ABCC1: variants seen among roughly 807,000 people sequenced by gnomAD.
ABCC1 encodes the protein ATP binding cassette subfamily C member 1 (ABCC1 blood group), also known as multidrug resistance-associated protein 1.
In ABCC1, 83 loss-of-function variants were observed where a neutral mutation model predicts 172.9. The observed-to-expected ratio is 0.48, with a 90% CI of 0.40 to 0.58. ABCC1 has a LOEUF of 0.58. Ranked by LOEUF, ABCC1 falls within the 20% of genes least tolerant of loss-of-function variation. The probability of loss-of-function intolerance (pLI) is 0.00; values close to 1 mark genes in which losing one functional copy is unlikely to be tolerated. For missense variants in ABCC1, 1,817 were observed against 2,002.7 expected (o/e 0.91, Z 1.77); for synonymous variants, 937 against 825.2 (o/e 1.14, Z -2.32).
At chr16:15,999,810 CT>C (rs2047207466) in intron 1 of ABCC1, among the ~76,000 whole-genome samples, 1 of 2,308 alleles carries the variant, frequency 4.3e-4, no homozygotes, top group African/African-American at 5.3e-4. Flanking sequence ...TCTCTCTCTC[CT>C]CTCTCTCTCT....
At chr16:16,052,595 TA>T in intron 10 of ABCC1, 128 bp from the exon 11 acceptor site, 1 of 765,894 alleles carries the variant, frequency 1.3e-6, no homozygotes, top group Non-Finnish European at 2.2e-6. Flanking sequence ...TATTGTGGGG[TA>T]AAAGTAACAC....
intron 19 of ABCC1, among the ~76,000 whole-genome samples, chr16:16,100,045 C>T (rs2051655884): frequency 6.6e-6 from 1 of 151,928 alleles, no homozygotes; most frequent in South Asian, 2.1e-4. Flanking sequence ...AAGATGGCAC[C>T]AGTGCAATCC....
At chr16:16,016,310 C>G (rs902801376) in intron 4 of ABCC1, among the ~76,000 whole-genome samples, 186 bp from the exon 5 acceptor site, 2 of 151,888 alleles carry the variant, frequency 1.3e-5, no homozygotes, top group African/African-American at 4.8e-5. Flanking sequence ...CCCACCACCA[C>G]GTCTGGCCAA....
intron 19 of ABCC1, among the ~76,000 whole-genome samples, chr16:16,096,860 T>C (rs868182059): frequency 1.1e-4 from 17 of 152,034 alleles, no homozygotes; most frequent in African/African-American, 2.9e-4. Context: ...ACCCAACACC[T>C]GGTGGTTGCA....
chr16:16,132,506 GGTTGTTTTTTTTTT>G (rs757108624), intron 27 of ABCC1, among the ~76,000 whole-genome samples: 12,620 of 100,792 alleles, frequency 0.13, 896 homozygotes, highest in Middle Eastern at 0.19. Context: ...TTTTTTGGTT[GGTTGTTTTTTTTTT>G]TTTTTTTTTT....
intron 15 of ABCC1, among the ~76,000 whole-genome samples, chr16:16,078,703 G>C (rs925250820): frequency 5.3e-5 from 8 of 152,160 alleles, no homozygotes; most frequent in African/African-American, 1.9e-4. Context: ...CTGAGACAGA[G>C]TCTCACGCTC....
intron 14 of ABCC1, among the ~76,000 whole-genome samples, chr16:16,075,360 C>T (rs1484038633): frequency 1.3e-5 from 2 of 151,868 alleles, no homozygotes; most frequent in East Asian, 3.9e-4. Context: ...CATGGTGTCT[C>T]ATGCCTGTAA....
At chr16:16,026,909 T>C (rs1426555317) in intron 5 of ABCC1, among the ~76,000 whole-genome samples, 1 of 152,090 alleles carries the variant, frequency 6.6e-6, no homozygotes. Context: ...AGAGTGAGAC[T>C]CAGTCTCAAA....
At chr16:15,975,043 C>T (rs1232903905) in intron 1 of ABCC1, among the ~76,000 whole-genome samples, 1 of 152,208 alleles carries the variant, frequency 6.6e-6, no homozygotes, top group Non-Finnish European at 1.5e-5. Flanking sequence ...CCAGCCTTGG[C>T]TTCCCAAAGT....
rs1390974186 is a variant in ABCC1 at position 16,138,493 on chromosome 16, A to G, written c.4422A>G (p.Thr1474=). 2 of 1,613,202 alleles carry G rather than the reference A, an allele frequency of 1.2e-6. No individual in the cohort carries two copies. Among genetic ancestry groups the G allele is most frequent in the East Asian group, 2.2e-5 (1 of 44,834 alleles). The change falls in exon 30 of 31, where the codon ACA becomes ACG. Residue 1474 remains threonine, a synonymous_variant. Transcript: ENST00000399410. ...TDDLIQSTIR[T]QFEDCTVLTI... Reference sequence around the variant, plus strand: ...ACCTCATCCAGTCCACCATCCGGACACAGTTCGAGGACTGCACCGTCCTCA... The same window carrying G: ...ACCTCATCCAGTCCACCATCCGGACGCAGTTCGAGGACTGCACCGTCCTCA...
At chr16:16,047,259 T>C (rs968056394) in intron 9 of ABCC1, among the ~76,000 whole-genome samples, 11 of 152,096 alleles carry the variant, frequency 7.2e-5, no homozygotes, top group African/African-American at 2.7e-4. Context: ...GCGATTGCTG[T>C]GGTGGCACCC....
intron 15 of ABCC1, among the ~76,000 whole-genome samples, chr16:16,078,077 G>A (rs1362785293): frequency 6.6e-6 from 1 of 152,216 alleles, no homozygotes; most frequent in Non-Finnish European, 1.5e-5. Context: ...AGAATCATTT[G>A]AACCTGGGAG....
intron 10 of ABCC1, among the ~76,000 whole-genome samples, chr16:16,051,423 T>C (rs2049424625): frequency 1.3e-5 from 2 of 152,110 alleles, no homozygotes; most frequent in African/African-American, 4.8e-5. Flanking sequence ...TCTTACCACT[T>C]TGGCCTCCCA....
intron 1 of ABCC1, among the ~76,000 whole-genome samples, chr16:15,999,789 C>G (rs1456951600): frequency 8.5e-4 from 25 of 29,544 alleles, no homozygotes; most frequent in Non-Finnish European, 1.9e-3. Context: ...CTCTCTCTCT[C>G]TCTCTCTCTC....
intron 14 of ABCC1, among the ~76,000 whole-genome samples, chr16:16,073,647 C>A (rs975987872): frequency 1.3e-5 from 2 of 152,126 alleles, no homozygotes; most frequent in Admixed American, 6.5e-5. Flanking sequence ...GTCCTAGTTA[C>A]TTGAGAGGCT....
chr16:16,125,831 C>G lies in ABCC1; in HGVS notation c.3739C>G (p.Leu1247Val), dbSNP rs761388286. 8 of 1,613,782 alleles carry G rather than the reference C, an allele frequency of 5.0e-6. No individual in the cohort carries two copies. The highest frequency in any genetic ancestry group is 1.3e-5 in the African/African-American group (1 of 74,938). Residue 1247 changes from leucine to valine, a missense_variant, in exon 26 of 31, where the codon CTG becomes GTG. Leu to Val is a conservative substitution (Grantham distance 32). Around this residue, in one of 3 missense-constraint regions of ABCC1, gnomAD observed 1,412 missense variants for 1,600.3 expected, o/e 0.88. Transcript: ENST00000399410. ...ACAGGTCACCACGTACTTGAACTGG[C>G]TGGTTCGGATGTCATCTGAAATGGA... ...SLQVTTYLNW[L>V]VRMSSEMETN...
At chr16:16,096,937 T>G (rs899816088) in intron 19 of ABCC1, among the ~76,000 whole-genome samples, 2 of 151,918 alleles carry the variant, frequency 1.3e-5, no homozygotes, top group African/African-American at 4.8e-5. Context: ...AAGAAAGAAC[T>G]CTTGCTACTT....
rs35490080 is a variant in ABCC1, at chr16:16,055,549, CA to C, written c.1474-532del. On this transcript the variant is annotated intron_variant, in intron 11 of 30. Coordinates refer to ENST00000399410, the MANE Select transcript of ABCC1 (RefSeq NM_004996.4). Reference sequence around the variant, plus strand: ...TGGGCAAGAGAGCGAGACTCCGTCACAAAAAAAAAAAGAAAAAATACGAAAA... The same window carrying C: ...TGGGCAAGAGAGCGAGACTCCGTCACAAAAAAAAAAGAAAAAATACGAAAA... 1.3e-3 allele frequency among the ~76,000 whole-genome samples: 187 copies of C among 142,684 alleles called. 2 individuals carry two copies. The highest frequency in any genetic ancestry group is 5.0e-3 in the Admixed American group (70 of 14,138). The allele number at this position is 142,684 out of a possible 152,430, so 93.6% of individuals were successfully genotyped here. A position where few individuals can be genotyped will look rare whatever the true frequency, so the allele number is the denominator to read the frequency against.
intron 26 of ABCC1, among the ~76,000 whole-genome samples, chr16:16,127,529 C>T (rs2152123156): frequency 6.6e-6 from 1 of 152,264 alleles, no homozygotes; most frequent in East Asian, 1.9e-4. Flanking sequence ...TACTATTACC[C>T]CCATTTTACA....
Sources: gnomAD v4.1 joint callset for allele counts (sites outside exome capture counted in the v4.1 genomes callset) on GRCh38, gnomAD v4.1.1 for gene constraint, gnomAD v4.1.1 regional missense constraint, MANE v1.5 for transcripts, NCBI Gene and HGNC (gene_info 2026-07-23, HGNC 2026-07-21) for gene names.